The following ALK variants were observed in gnomAD, a reference collection of about 807,000 sequenced individuals.
ALK encodes ALK receptor tyrosine kinase, also known as ALK tyrosine kinase receptor.
ALK carries 74 observed loss-of-function variants against 163.1 expected under a neutral mutation model. The observed-to-expected ratio is 0.45, with a 90% CI of 0.38 to 0.55. The LOEUF is 0.55. Among genes scored for constraint, ALK ranks in the 20% least tolerant of loss-of-function variants. The pLI, the probability that ALK is intolerant of heterozygous loss-of-function variation, is 0.00. For missense variants in ALK, 2,063 were observed against 2,105.3 expected, an observed-to-expected ratio of 0.98 and a Z score of 0.39; for synonymous variants, 960 against 843.2, an observed-to-expected ratio of 1.14 and a Z score of -2.40.
At chr2:29,582,236 G>A (rs963477193) in intron 3 of ALK, among the ~76,000 whole-genome samples, 3 of 152,162 alleles carry the variant, frequency 2.0e-5, no homozygotes, top group Non-Finnish European at 4.4e-5. Flanking sequence ...AGAGGGAAAC[G>A]GCCTTCCTGC....
intron 1 of ALK, among the ~76,000 whole-genome samples, chr2:29,835,203 A>G (rs918341660): frequency 6.6e-6 from 1 of 152,148 alleles, no homozygotes; most frequent in Non-Finnish European, 1.5e-5. Flanking sequence ...TTTTCATTCT[A>G]AGCTGATTTA....
chr2:29,600,302 C>T (rs1675346317), intron 3 of ALK, among the ~76,000 whole-genome samples: 1 of 152,084 alleles, frequency 6.6e-6, no homozygotes, highest in Non-Finnish European at 1.5e-5. Context: ...GGAAACAGAG[C>T]TGATAGAGTA....
At chr2:29,252,624 G>A (rs576409427) in intron 11 of ALK, among the ~76,000 whole-genome samples, 54 of 152,312 alleles carry the variant, frequency 3.5e-4, no homozygotes, top group African/African-American at 1.3e-3. Flanking sequence ...GGAGGTGGAA[G>A]TTCTGGGTGG....
At chr2:29,829,316 A>G (rs1229407936) in intron 1 of ALK, among the ~76,000 whole-genome samples, 2 of 151,436 alleles carry the variant, frequency 1.3e-5, no homozygotes, top group African/African-American at 4.8e-5. Context: ...GTATAATAAA[A>G]AAAAAAAAGA....
Position 29,426,035 on chromosome 2 carries a change from C to T in ALK, c.1155-42176G>A, listed in dbSNP as rs184557875. Among the ~76,000 whole-genome samples, 10 of 152,322 alleles carry T rather than the reference C, an allele frequency of 6.6e-5. No homozygotes were observed. In the East Asian group the frequency reaches 1.9e-3, roughly 29 times the overall value. On this transcript the variant is annotated intron_variant, in intron 4 of 28. Coordinates refer to ENST00000389048, the MANE Select transcript of ALK (RefSeq NM_004304.5). ...TTAATTGGATCAGACTGTGGCGCAACATTTACCCCAGAGCTTTGCCAAAAA... is the reference window on the plus strand; with the variant it reads ...TTAATTGGATCAGACTGTGGCGCAATATTTACCCCAGAGCTTTGCCAAAAA...
chr2:29,192,999 T>C lies in ALK; in HGVS notation c.*225A>G. 1 of 569,464 alleles carries C rather than the reference T, an allele frequency of 1.8e-6. No homozygotes were observed. The highest frequency in any genetic ancestry group is 3.0e-5 in the Admixed American group (1 of 33,504). 35.3% of individuals were successfully genotyped at this position (569,464 alleles called of 1,614,324 possible). ...CAACCACATCTGGGCCTTGTATTTA[T>C]CACTCATTTTTATGATATTTTCTTC... On this transcript the variant is annotated 3_prime_UTR_variant, in exon 29 of 29. Transcript: ENST00000389048.
At chr2:29,249,721 C>G (rs548884618) in intron 12 of ALK, among the ~76,000 whole-genome samples, 1 of 152,186 alleles carries the variant, frequency 6.6e-6, no homozygotes, top group Non-Finnish European at 1.5e-5. Flanking sequence ...GCAAGCATTC[C>G]TCTCCTCCTC....
intron 24 of ALK, among the ~76,000 whole-genome samples, chr2:29,210,395 T>C (rs2148155972): frequency 6.6e-6 from 1 of 152,326 alleles, no homozygotes; most frequent in Admixed American, 6.5e-5. Context: ...TTCCCTGAAA[T>C]CAAATTCAAG....
intron 5 of ALK, among the ~76,000 whole-genome samples, chr2:29,344,319 C>T (rs1452505296): frequency 1.3e-5 from 2 of 152,194 alleles, no homozygotes; most frequent in Admixed American, 6.5e-5. Flanking sequence ...GTCGGGCAGG[C>T]TCATGACTGC....
intron 1 of ALK, among the ~76,000 whole-genome samples, chr2:29,850,626 C>A (rs1464921268): frequency 6.6e-6 from 1 of 152,166 alleles, no homozygotes; most frequent in Non-Finnish European, 1.5e-5. Context: ...TCAAGGATAG[C>A]TTCATTTGGG....
intron 1 of ALK, among the ~76,000 whole-genome samples, chr2:29,762,963 T>C (rs1680751644): frequency 6.6e-6 from 1 of 151,870 alleles, no homozygotes; most frequent in Non-Finnish European, 1.5e-5. Context: ...GATGTATGCC[T>C]ATAGTCCTAT....
At chr2:29,855,088 A>G (rs1217726537) in intron 1 of ALK, among the ~76,000 whole-genome samples, 3 of 152,192 alleles carry the variant, frequency 2.0e-5, no homozygotes, top group East Asian at 3.8e-4. Flanking sequence ...CTGTCTTACA[A>G]TGTCACCAAT....
At chr2:29,242,757 TGA>T (rs1299758446) in intron 12 of ALK, among the ~76,000 whole-genome samples, 3 of 152,338 alleles carry the variant, frequency 2.0e-5, no homozygotes, top group Admixed American at 6.5e-5. Flanking sequence ...AAAGCGAATT[TGA>T]GAAGACTGCA....
chr2:29,250,410 G>T (rs191268741), intron 12 of ALK, among the ~76,000 whole-genome samples: 2 of 152,312 alleles, frequency 1.3e-5, no homozygotes, highest in East Asian at 1.9e-4. Flanking sequence ...GTTCTAAAAG[G>T]CTGCATTGAC....
intron 3 of ALK, among the ~76,000 whole-genome samples, chr2:29,536,371 C>A (rs763705735): frequency 2.6e-5 from 4 of 151,628 alleles, no homozygotes; most frequent in Admixed American, 1.3e-4. Context: ...TCCTTTCTCT[C>A]TCGCTCTCAC....
At chr2:29,687,051 T>G (rs192435034) in intron 3 of ALK, among the ~76,000 whole-genome samples, 2 of 151,970 alleles carry the variant, frequency 1.3e-5, no homozygotes, top group African/African-American at 4.8e-5. Context: ...CGGGCAGAGA[T>G]AGAAGGCCAC....
chr2:29,485,167 T>C (rs1441605454), intron 4 of ALK, among the ~76,000 whole-genome samples: 1 of 152,200 alleles, frequency 6.6e-6, no homozygotes, highest in Admixed American at 6.5e-5. Context: ...TTTTAGACTA[T>C]GTCTAAGCAC....
At chr2:29,722,442 A>G (rs932422906) in intron 1 of ALK, among the ~76,000 whole-genome samples, 1 of 152,156 alleles carries the variant, frequency 6.6e-6, no homozygotes. Context: ...CCAGAACCAC[A>G]TTGTAGCCCT....
At chr2:29,737,015 A>G (rs1043338545) in intron 1 of ALK, among the ~76,000 whole-genome samples, 1 of 152,140 alleles carries the variant, frequency 6.6e-6, no homozygotes, top group Middle Eastern at 3.2e-3. Context: ...TTAGATGTTT[A>G]ACGGTATGTG....
Sources: gnomAD v4.1 joint callset for allele counts (sites outside exome capture counted in the v4.1 genomes callset) on GRCh38, gnomAD v4.1.1 for gene constraint, MANE v1.5 for transcripts, NCBI Gene and HGNC (gene_info 2026-07-23, HGNC 2026-07-21) for gene names.